Variants in AGPAT5 observed in about 807,000 individuals in gnomAD.
The protein encoded by AGPAT5 is 1-acyl-sn-glycerol-3-phosphate acyltransferase epsilon.
A neutral mutation model predicts 45.6 loss-of-function variants in AGPAT5; 46 were observed. The ratio of observed to expected loss-of-function variants is 1.01; its 90% CI spans 0.80 to 1.29. The LOEUF is 1.29. AGPAT5 is among the 50% of genes most tolerant of loss of function. AGPAT5 has a pLI of 0.00. For synonymous variants in AGPAT5, 272 were observed against 167.0 expected, an observed-to-expected ratio of 1.63 and a Z score of -4.85; for missense variants, 673 against 450.7, an observed-to-expected ratio of 1.49 and a Z score of -4.47.
At chr8:6,755,332 T>A (rs1054075282) in intron 7 of AGPAT5, among the ~76,000 whole-genome samples, 158 bp downstream of exon 7, 2 of 152,264 alleles carry the variant, frequency 1.3e-5, no homozygotes, top group Non-Finnish European at 2.9e-5. Flanking sequence ...TTTTAAACTT[T>A]ACTTGTACAA....
At chr8:6,714,412 C>G (rs1256402766) in intron 1 of AGPAT5, among the ~76,000 whole-genome samples, 1 of 152,160 alleles carries the variant, frequency 6.6e-6, no homozygotes, top group Non-Finnish European at 1.5e-5. Context: ...AACTGCTTAA[C>G]TTACTAGACT....
intron 1 of AGPAT5, among the ~76,000 whole-genome samples, chr8:6,719,228 T>G (rs1276894698): frequency 6.6e-6 from 1 of 152,184 alleles, no homozygotes; most frequent in Non-Finnish European, 1.5e-5. Context: ...TAGAAAGAAT[T>G]TTTTTGCACA....
rs1485343478 is a variant in AGPAT5, at chr8:6,759,150, TTA to T, written c.*1763_*1764del. On this transcript the variant is annotated 3_prime_UTR_variant, in exon 8 of 8. Transcript: ENST00000285518. ...CCTCATGCTGAATTGTAATTTTCTC[TTA>T]CCTGTAAAGTAAAATTTAGATCAAT... 2.0e-5 allele frequency: 3 copies of T among 152,236 alleles called. No homozygotes were observed. The highest frequency in any genetic ancestry group is 4.4e-5 in the Non-Finnish European group (3 of 68,036). The allele number at this position is 152,236 out of a possible 1,614,324, so 9.4% of individuals were successfully genotyped here. A position where few individuals can be genotyped will look rare whatever the true frequency, so the allele number is the denominator to read the frequency against.
At chr8:6,733,131 T>C (rs902880180) in intron 4 of AGPAT5, among the ~76,000 whole-genome samples, 3 of 152,230 alleles carry the variant, frequency 2.0e-5, no homozygotes, top group Non-Finnish European at 2.9e-5. Flanking sequence ...TATAAAACTT[T>C]ATTCCACAAA....
In AGPAT5 at chr8:6,757,260, C is replaced by T. The variant is rs896247933; in HGVS notation, c.967C>T (p.Pro323Ser). 6.2e-6 allele frequency: 10 copies of T among 1,614,140 alleles called. No individual in the cohort carries two copies. The highest frequency in any genetic ancestry group is 7.6e-6 in the Non-Finnish European group (9 of 1,179,978). Reference protein sequence around the residue: ...NSKLSIKKTLPSMLILSGLTA... With the variant: ...NSKLSIKKTLSSMLILSGLTA... The stretch of plus-strand genomic sequence containing the variant: ...CAAATTAAGTATCAAGAAGACTTTA[C>T]CATCAATGTTGATCTTAAGTGGTTT... The change falls in exon 8 of 8, where the codon CCA becomes TCA. Residue 323 changes from proline to serine, a missense_variant. Physicochemically the swap from Pro to Ser is moderately conservative, Grantham distance 74. Coordinates refer to ENST00000285518, the MANE Select transcript of AGPAT5 (RefSeq NM_018361.5).
At chr8:6,729,045 A>G (rs1800779492) in intron 2 of AGPAT5, among the ~76,000 whole-genome samples, 1 of 152,220 alleles carries the variant, frequency 6.6e-6, no homozygotes, top group South Asian at 2.1e-4. Flanking sequence ...GGGAGCCATA[A>G]CAAAAGTTTC....
chr8:6,749,751 G>T (rs746498275), intron 6 of AGPAT5, among the ~76,000 whole-genome samples: 5 of 152,196 alleles, frequency 3.3e-5, no homozygotes, highest in Non-Finnish European at 7.3e-5. Flanking sequence ...CATAGTTTAA[G>T]ATTAAACAAG....
chr8:6,741,592 T>A (rs879228650), intron 4 of AGPAT5, 69 bp from the exon 5 acceptor site: 1 of 1,131,698 alleles, frequency 8.8e-7, no homozygotes, highest in South Asian at 1.5e-5. Flanking sequence ...TAGGTTTAGC[T>A]TTTTTAGGTT....
intron 1 of AGPAT5, among the ~76,000 whole-genome samples, chr8:6,719,908 C>T (rs1800447377): frequency 6.6e-6 from 1 of 152,124 alleles, no homozygotes; most frequent in East Asian, 1.9e-4. Flanking sequence ...TGATCGTGTC[C>T]TGAGAAGCAC....
At chr8:6,711,060 TTA>T (rs1428312303) in intron 1 of AGPAT5, among the ~76,000 whole-genome samples, 1 of 152,124 alleles carries the variant, frequency 6.6e-6, no homozygotes, top group Non-Finnish European at 1.5e-5. Context: ...GTTTATTAAT[TTA>T]TATATATTAA....
chr8:6,746,532 G>T (rs537594296), intron 5 of AGPAT5, among the ~76,000 whole-genome samples: 2 of 152,308 alleles, frequency 1.3e-5, no homozygotes, highest in African/African-American at 2.4e-5. Context: ...AGCAAAGAAG[G>T]AAGTGTTAAC....
chr8:6,727,408 G>C (rs778492502), intron 2 of AGPAT5, among the ~76,000 whole-genome samples: 11 of 151,384 alleles, frequency 7.3e-5, no homozygotes, highest in Non-Finnish European at 1.5e-4. Flanking sequence ...TTGAGATGGA[G>C]TTTCACTCTT....
chr8:6,735,341 G>C (rs558080468), intron 4 of AGPAT5, among the ~76,000 whole-genome samples: 1 of 152,136 alleles, frequency 6.6e-6, no homozygotes, highest in Admixed American at 6.6e-5. Context: ...CCTACATCCA[G>C]TCTTCCCTGA....
intron 1 of AGPAT5, among the ~76,000 whole-genome samples, chr8:6,712,194 A>G (rs1719650342): frequency 1.3e-5 from 2 of 152,224 alleles, no homozygotes; most frequent in African/African-American, 2.4e-5. Flanking sequence ...AAGTTTACTT[A>G]CTTTCCCATA....
At chr8:6,724,730 T>G (rs1800626691) in intron 1 of AGPAT5, 140 bp from the exon 2 acceptor site, 1 of 314,636 alleles carries the variant, frequency 3.2e-6, no homozygotes. Context: ...TCTCTGAGGC[T>G]CCTGTGAGAA....
intron 1 of AGPAT5, among the ~76,000 whole-genome samples, chr8:6,722,169 A>G (rs1435233341): frequency 1.3e-5 from 2 of 152,178 alleles, no homozygotes; most frequent in African/African-American, 4.8e-5. Context: ...TGGTCTCCTA[A>G]TAAGGGACAG....
At chr8:6,747,164 G>C (rs1017429501) in intron 5 of AGPAT5, among the ~76,000 whole-genome samples, 1 of 152,192 alleles carries the variant, frequency 6.6e-6, no homozygotes, top group African/African-American at 2.4e-5. Flanking sequence ...AATGTGATCT[G>C]TTCACACAGT....
intron 4 of AGPAT5, among the ~76,000 whole-genome samples, chr8:6,739,016 A>T (rs1195329708): frequency 6.6e-6 from 1 of 152,040 alleles, no homozygotes; most frequent in Non-Finnish European, 1.5e-5. Flanking sequence ...ATCGAAGTTC[A>T]TATTTTTTTA....
intron 6 of AGPAT5, among the ~76,000 whole-genome samples, 187 bp from the exon 7 acceptor site, chr8:6,754,864 G>A (rs572439028): frequency 4.4e-4 from 67 of 152,088 alleles, no homozygotes; most frequent in African/African-American, 1.6e-3. Flanking sequence ...TTCTACTTCA[G>A]CTTGAAACCC....
Sources: gnomAD v4.1 joint callset for allele counts (sites outside exome capture counted in the v4.1 genomes callset) on GRCh38, gnomAD v4.1.1 for gene constraint, MANE v1.5 for transcripts, NCBI Gene and HGNC (gene_info 2026-07-23, HGNC 2026-07-21) for gene names.